Variants in NCALD observed in about 807,000 individuals in gnomAD.
The protein encoded by NCALD is neurocalcin delta.
NCALD carries 10 observed loss-of-function variants against 18.6 expected under a neutral mutation model. The ratio of observed to expected loss-of-function variants is 0.54; its 90% CI spans 0.33 to 0.91. The LOEUF (loss-of-function observed/expected upper bound fraction) is 0.91, where lower values mean the gene tolerates loss of function less well. NCALD is among the 40% of genes least tolerant of loss of function. NCALD has a pLI of 0.03. For synonymous variants in NCALD, 88 were observed against 87.4 expected (o/e 1.01, Z -0.04); for missense variants, 184 against 247.6 (o/e 0.74, Z 1.72).
At chr8:102,076,900 C>A (rs1011853448) in intron 1 of NCALD, among the ~76,000 whole-genome samples, 6 of 152,184 alleles carry the variant, frequency 3.9e-5, no homozygotes, top group African/African-American at 1.4e-4. Context: ...ACTTGTGACC[C>A]TGCTGGCCCT....
chr8:102,059,051 T>C (rs1407427558), intron 1 of NCALD, among the ~76,000 whole-genome samples: 1 of 152,234 alleles, frequency 6.6e-6, no homozygotes, highest in African/African-American at 2.4e-5. Context: ...TTTAGCCCAG[T>C]GAGACCCATG....
At chr8:101,984,662 T>G (rs1157058187) in intron 2 of NCALD, among the ~76,000 whole-genome samples, 1 of 152,172 alleles carries the variant, frequency 6.6e-6, no homozygotes, top group Non-Finnish European at 1.5e-5. Context: ...AGCCAAGAGC[T>G]ACCAAATGTA....
chr8:101,801,076 A>G (rs1812830563), intron 4 of NCALD, among the ~76,000 whole-genome samples: 1 of 151,948 alleles, frequency 6.6e-6, no homozygotes, highest in South Asian at 2.1e-4. Context: ...GGGAAAGGGA[A>G]AGAAAGAGGA....
At chr8:101,776,633 G>A (rs1811803248) in intron 1 of NCALD, among the ~76,000 whole-genome samples, 1 of 152,082 alleles carries the variant, frequency 6.6e-6, no homozygotes, top group African/African-American at 2.4e-5. Flanking sequence ...ATTCCAGCAG[G>A]CAACAGGGGC....
intron 1 of NCALD, among the ~76,000 whole-genome samples, chr8:102,072,245 T>C (rs1380559207): frequency 2.6e-5 from 4 of 152,082 alleles, no homozygotes; most frequent in African/African-American, 9.7e-5. Flanking sequence ...CCACTACACA[T>C]ATCATAGAAT....
intron 1 of NCALD, among the ~76,000 whole-genome samples, chr8:102,079,218 G>A (rs1824446368): frequency 6.6e-6 from 1 of 152,162 alleles, no homozygotes; most frequent in Non-Finnish European, 1.5e-5. Flanking sequence ...TTAGCTTTGT[G>A]CACACAAACA....
chr8:101,769,518 T>A (rs1319164568), intron 1 of NCALD, among the ~76,000 whole-genome samples: 1 of 152,126 alleles, frequency 6.6e-6, no homozygotes, highest in African/African-American at 2.4e-5. Flanking sequence ...AGGCGTGCCA[T>A]CCTCGAAGTG....
At chr8:101,706,281 C>G (rs920325870) in intron 2 of NCALD, among the ~76,000 whole-genome samples, 3 of 150,934 alleles carry the variant, frequency 2.0e-5, no homozygotes, top group African/African-American at 7.3e-5. Flanking sequence ...CCAAAGATGT[C>G]TCTGACTTGA....
chr8:101,879,230 G>A (rs1189303921), intron 4 of NCALD, among the ~76,000 whole-genome samples: 4 of 152,126 alleles, frequency 2.6e-5, no homozygotes, highest in African/African-American at 7.2e-5. Flanking sequence ...ATAAGGCCGT[G>A]GACCCTCATG....
chr8:101,708,116 C>T (rs907851517), intron 2 of NCALD, among the ~76,000 whole-genome samples: 3 of 152,142 alleles, frequency 2.0e-5, no homozygotes, highest in African/African-American at 7.2e-5. Context: ...GACTGTCCCC[C>T]AAACAGTCTC....
chr8:101,763,996 ACACACACACACACACACACC>A (rs1272042432), intron 1 of NCALD, among the ~76,000 whole-genome samples: 39 of 97,038 alleles, frequency 4.0e-4, no homozygotes, highest in South Asian at 9.3e-4. Flanking sequence ...ACACACACAC[ACACACACACACACACACACC>A]CCCTATTGGT....
At chr8:101,871,672 C>A (rs1419044176) in intron 4 of NCALD, among the ~76,000 whole-genome samples, 2 of 150,220 alleles carry the variant, frequency 1.3e-5, no homozygotes, top group Non-Finnish European at 2.9e-5. Context: ...AAATATTTAA[C>A]AGAATTTCCA....
chr8:101,787,945 G>A (rs1014780003), intron 1 of NCALD, among the ~76,000 whole-genome samples: 6 of 152,260 alleles, frequency 3.9e-5, no homozygotes, highest in East Asian at 1.9e-4. Flanking sequence ...GTTTTAACTC[G>A]CATAACTTGT....
intron 1 of NCALD, among the ~76,000 whole-genome samples, chr8:101,729,156 G>A (rs1304684104): frequency 2.0e-5 from 3 of 152,126 alleles, no homozygotes; most frequent in South Asian, 2.1e-4. Flanking sequence ...ATAAAAACCC[G>A]AAGAGCACAT....
intron 1 of NCALD, among the ~76,000 whole-genome samples, chr8:101,774,164 C>T (rs1342176847): frequency 1.3e-5 from 2 of 152,182 alleles, no homozygotes; most frequent in African/African-American, 2.4e-5. Flanking sequence ...GGCTGCTATT[C>T]TCTCCTTCTG....
intron 2 of NCALD, among the ~76,000 whole-genome samples, chr8:101,712,068 TC>T (rs1371134008): frequency 1.3e-5 from 2 of 152,166 alleles, no homozygotes; most frequent in Non-Finnish European, 2.9e-5. Flanking sequence ...TAACAGTGGC[TC>T]TCTCTGCAGA....
intron 4 of NCALD, among the ~76,000 whole-genome samples, chr8:101,809,033 T>C (rs1300298985): frequency 3.9e-5 from 6 of 152,160 alleles, no homozygotes; most frequent in African/African-American, 1.4e-4. Flanking sequence ...AAGTGAAATA[T>C]CACATGTTTA....
chr8:102,022,727 A>G (rs751168757), intron 1 of NCALD, among the ~76,000 whole-genome samples: 1 of 152,148 alleles, frequency 6.6e-6, no homozygotes, highest in Non-Finnish European at 1.5e-5. Context: ...AGCAATACTT[A>G]CCACCCTTCC....
chr8:101,832,805 C>A (rs540756666), intron 4 of NCALD, among the ~76,000 whole-genome samples: 1 of 152,322 alleles, frequency 6.6e-6, no homozygotes, highest in African/African-American at 2.4e-5. Flanking sequence ...TCTTGGCACC[C>A]CTGAGAAACT....
Sources: gnomAD v4.1 joint callset for allele counts (sites outside exome capture counted in the v4.1 genomes callset) on GRCh38, gnomAD v4.1.1 for gene constraint, MANE v1.5 for transcripts, NCBI Gene and HGNC (gene_info 2026-07-23, HGNC 2026-07-21) for gene names.